The following MGMT variants were observed in gnomAD, a reference collection of about 807,000 sequenced individuals.
MGMT encodes the protein methylated-DNA--protein-cysteine methyltransferase.
MGMT carries 14 observed loss-of-function variants against 15.9 expected under a neutral mutation model. The observed-to-expected ratio is 0.88, with a 90% confidence interval of 0.58 to 1.37. The LOEUF is 1.37. Among genes scored for constraint, MGMT ranks in the 40% most tolerant of loss-of-function variants. MGMT has a pLI of 0.00. For missense variants in MGMT, 282 were observed against 268.1 expected, an observed-to-expected ratio of 1.05 and a Z score of -0.36; for synonymous variants, 130 against 118.2, an observed-to-expected ratio of 1.10 and a Z score of -0.65.
intron 2 of MGMT, among the ~76,000 whole-genome samples, chr10:129,578,648 G>A (rs1018718563): frequency 2.6e-5 from 4 of 152,158 alleles, no homozygotes; most frequent in Admixed American, 6.5e-5. Context: ...AAACCTGCAC[G>A]TTGTGCACAT....
At chr10:129,531,003 G>T (rs1564844011) in intron 1 of MGMT, among the ~76,000 whole-genome samples, 1 of 152,260 alleles carries the variant, frequency 6.6e-6, no homozygotes, top group Non-Finnish European at 1.5e-5. Flanking sequence ...TAGCCTGGGT[G>T]TGGGCTTGCC....
intron 1 of MGMT, among the ~76,000 whole-genome samples, chr10:129,486,177 C>CTTTT (rs33985155): frequency 2.6e-5 from 3 of 113,300 alleles, no homozygotes; most frequent in African/African-American, 7.2e-5. Context: ...CTTCTCTTCT[C>CTTTT]TTTTTTTTTT....
intron 1 of MGMT, among the ~76,000 whole-genome samples, chr10:129,530,652 C>G (rs1440965323): frequency 6.6e-6 from 1 of 152,214 alleles, no homozygotes; most frequent in Admixed American, 6.5e-5. Context: ...GAGGGAGCCT[C>G]GAAATGCAAA....
chr10:129,483,827 T>G (rs1845382747), intron 1 of MGMT, among the ~76,000 whole-genome samples: 2 of 151,930 alleles, frequency 1.3e-5, no homozygotes, highest in Non-Finnish European at 2.9e-5. Flanking sequence ...GTGTTTCTGA[T>G]TTTGGATTTT....
intron 2 of MGMT, among the ~76,000 whole-genome samples, chr10:129,691,255 G>A (rs1847966381): frequency 6.6e-6 from 1 of 152,200 alleles, no homozygotes; most frequent in African/African-American, 2.4e-5. Context: ...AGCTGTGTCT[G>A]TCCCCTGCCG....
chr10:129,745,419 GCT>G (rs1848683503), intron 3 of MGMT, among the ~76,000 whole-genome samples: 1 of 151,372 alleles, frequency 6.6e-6, no homozygotes, highest in Non-Finnish European at 1.5e-5. Flanking sequence ...CCCCATTCCA[GCT>G]CTCAGCAACT....
At chr10:129,634,132 A>T (rs1333490554) in intron 2 of MGMT, among the ~76,000 whole-genome samples, 1 of 152,160 alleles carries the variant, frequency 6.6e-6, no homozygotes, top group African/African-American at 2.4e-5. Context: ...TTCTAGATTG[A>T]CAGGGTTTTT....
At chr10:129,568,226 T>TTTTTAAAGGACTGTGATAATGATGTTA (rs1846377556) in intron 2 of MGMT, among the ~76,000 whole-genome samples, 1 of 152,214 alleles carries the variant, frequency 6.6e-6, no homozygotes, top group Non-Finnish European at 1.5e-5. Context: ...TTTTTGGTGC[T>TTTTTAAAGGACTGTGATAATGATGTTA]TTTTAAAGGA....
At chr10:129,674,107 T>C (rs1357276591) in intron 2 of MGMT, among the ~76,000 whole-genome samples, 5 of 152,334 alleles carry the variant, frequency 3.3e-5, no homozygotes, top group Non-Finnish European at 7.3e-5. Context: ...CTCTTTTTAT[T>C]AAACTAAATG....
In MGMT at chr10:129,759,222, T is replaced by G; in HGVS notation, c.295T>G (p.Leu99Val). ...FQQESFTRQV[L>V]WKLLKVVKFG... ...TTCAGAGTCGTTCACCAGACAGGTG[T>G]TATGGAAGCTGCTGAAGGTTGTGAA... Residue 99 changes from leucine (L) to valine (V), a missense_variant, in exon 4 of 5, where the codon TTA becomes GTA. Physicochemically the swap from Leu to Val is conservative, Grantham distance 32. Coordinates refer to ENST00000651593, the MANE Select transcript of MGMT (RefSeq NM_002412.5). The G allele has an allele frequency of 6.2e-7, 1 of 1,614,044 alleles. No homozygotes were observed. The highest frequency in any genetic ancestry group is 8.5e-7 in the Non-Finnish European group (1 of 1,179,960).
chr10:129,671,150 C>T (rs10764895), intron 2 of MGMT, among the ~76,000 whole-genome samples: 109,694 of 151,832 alleles, frequency 0.72, 40,548 homozygotes, highest in African/African-American at 0.88. Context: ...AATCGAATTA[C>T]ATAAATTTAC....
intron 1 of MGMT, among the ~76,000 whole-genome samples, chr10:129,528,089 AATTATCATTGCATGAT>A (rs1333876521): frequency 6.8e-6 from 1 of 146,418 alleles, no homozygotes; most frequent in Non-Finnish European, 1.5e-5. Flanking sequence ...TTCCTATCTC[AATTATCATTGCATGAT>A]TCATATAATT....
At chr10:129,764,661 G>A (rs1204315557) in intron 4 of MGMT, among the ~76,000 whole-genome samples, 1 of 152,254 alleles carries the variant, frequency 6.6e-6, no homozygotes, top group African/African-American at 2.4e-5. Context: ...TCTCTGTTGA[G>A]CTGGGGATAC....
intron 1 of MGMT, among the ~76,000 whole-genome samples, chr10:129,474,298 C>A (rs1004367461): frequency 4.6e-5 from 7 of 152,118 alleles, no homozygotes; most frequent in Admixed American, 3.9e-4. Flanking sequence ...CTGATTGGGG[C>A]AGAGGATGCA....
At chr10:129,552,744 C>G (rs1846171793) in intron 2 of MGMT, among the ~76,000 whole-genome samples, 1 of 152,208 alleles carries the variant, frequency 6.6e-6, no homozygotes, top group Non-Finnish European at 1.5e-5. Context: ...ACGCGGTCCC[C>G]TTCTGCTGAT....
In MGMT at chr10:129,625,814, A is replaced by G. The variant is rs551429901; in HGVS notation, c.126-82081A>G. Among the ~76,000 whole-genome samples, 8 of 152,318 alleles carry G rather than the reference A, an allele frequency of 5.3e-5. No homozygotes were observed. The South Asian group carries it at 1.2e-3, about 24-fold the overall frequency. ...CTCCATGTTTCTTCCAGTACTGATC[A>G]GGGTTGCTTGTTTTCAGGAGTTTTC... On this transcript the variant is annotated intron_variant, in intron 2 of 4. Transcript: ENST00000651593.
At chr10:129,549,476 AT>A (rs758460361) in intron 2 of MGMT, among the ~76,000 whole-genome samples, 79 of 152,336 alleles carry the variant, frequency 5.2e-4, no homozygotes, top group Non-Finnish European at 9.4e-4. Context: ...AAGTTCCTGA[AT>A]TTAAAATATA....
intron 2 of MGMT, among the ~76,000 whole-genome samples, chr10:129,574,082 G>C (rs1846450756): frequency 6.6e-6 from 1 of 152,192 alleles, no homozygotes; most frequent in Non-Finnish European, 1.5e-5. Flanking sequence ...GATGGAGCTT[G>C]TAATTGTTAA....
chr10:129,614,329 C>G (rs1309548708), intron 2 of MGMT, among the ~76,000 whole-genome samples: 2 of 152,200 alleles, frequency 1.3e-5, no homozygotes, highest in Non-Finnish European at 2.9e-5. Flanking sequence ...TCCCCCACAC[C>G]TGATCGTCAC....
Sources: gnomAD v4.1 joint callset for allele counts (sites outside exome capture counted in the v4.1 genomes callset) on GRCh38, gnomAD v4.1.1 for gene constraint, MANE v1.5 for transcripts, NCBI Gene and HGNC (gene_info 2026-07-23, HGNC 2026-07-21) for gene names.